EXTL3: variants seen among roughly 807,000 people sequenced by gnomAD.
The protein encoded by EXTL3 is exostosin like glycosyltransferase 3.
In EXTL3, 27 loss-of-function variants were observed where a neutral mutation model predicts 69.3. That is an observed-to-expected ratio of 0.39 (90% CI 0.29 to 0.54). The LOEUF (loss-of-function observed/expected upper bound fraction) is 0.54, where lower values mean the gene tolerates loss of function less well. Ranked by LOEUF, EXTL3 falls within the 20% of genes least tolerant of loss-of-function variation. EXTL3 has a pLI of 0.69. For missense variants in EXTL3, 1,003 were observed against 1,231.8 expected (o/e 0.81, Z 2.78); for synonymous variants, 511 against 499.4 (o/e 1.02, Z -0.31).
chr8:28,658,365 C>G (rs1807048168), intron 1 of EXTL3, among the ~76,000 whole-genome samples: 1 of 152,178 alleles, frequency 6.6e-6, no homozygotes, highest in African/African-American at 2.4e-5. Context: ...TGTTTTCACC[C>G]TCCCTAATCC....
intron 1 of EXTL3, among the ~76,000 whole-genome samples, chr8:28,704,437 T>A (rs1585262978): frequency 6.6e-6 from 1 of 152,354 alleles, no homozygotes; most frequent in African/African-American, 2.4e-5. Flanking sequence ...CGCTTGCGGG[T>A]GCCTGCCTTA....
rs1802013039 is a variant in EXTL3 at position 28,751,818 on chromosome 8, C to G, written c.*952C>G. ...GTGGGCCTCAGGCGTTTCTGAAGTG[C>G]TCTTTCTTGGATTGGACAGGAGATC... On this transcript the variant is annotated 3_prime_UTR_variant, in exon 7 of 7. Coordinates refer to ENST00000220562, the MANE Select transcript of EXTL3 (RefSeq NM_001440.4). 6.6e-6 allele frequency: 1 copy of G among 152,386 alleles called. No individual in the cohort carries two copies. The highest frequency in any genetic ancestry group is 6.5e-5 in the Admixed American group (1 of 15,278). 9.4% of individuals were successfully genotyped at this position (152,386 alleles called of 1,614,324 possible). A position where few individuals can be genotyped will look rare whatever the true frequency, so the allele number is the denominator to read the frequency against.
At chr8:28,756,324 T>TA (rs573140140), downstream of EXTL3, among the ~76,000 whole-genome samples, 33 of 152,366 alleles carry the variant, frequency 2.2e-4, no homozygotes, top group East Asian at 1.4e-3. Flanking sequence ...TTCCATATTC[T>TA]AGAATTTCAT....
At chr8:28,703,591 C>G (rs893403148) in intron 1 of EXTL3, among the ~76,000 whole-genome samples, 2 of 152,118 alleles carry the variant, frequency 1.3e-5, no homozygotes, top group Non-Finnish European at 2.9e-5. Context: ...GATGCGGAGT[C>G]CTTGTCTCAG....
chr8:28,714,776 C>G (rs551014466), intron 2 of EXTL3, among the ~76,000 whole-genome samples: 1 of 152,294 alleles, frequency 6.6e-6, no homozygotes, highest in East Asian at 1.9e-4. Flanking sequence ...GGGACTGAGT[C>G]GCTACAAGCG....
At chr8:28,631,974 G>C (rs1806576631) in intron 1 of EXTL3, among the ~76,000 whole-genome samples, 1 of 152,008 alleles carries the variant, frequency 6.6e-6, no homozygotes, top group African/African-American at 2.4e-5. Flanking sequence ...TGTAGTCCTA[G>C]CTACTTGGGA....
At chr8:28,615,204 G>GA (rs1184582483) in intron 2 of EXTL3, among the ~76,000 whole-genome samples, 1 of 152,162 alleles carries the variant, frequency 6.6e-6, no homozygotes, top group African/African-American at 2.4e-5. Flanking sequence ...GTGTGCTTGA[G>GA]AAGAATTTGT....
chr8:28,617,696 A>C (rs1007501930), intron 2 of EXTL3, among the ~76,000 whole-genome samples: 8 of 152,232 alleles, frequency 5.3e-5, no homozygotes, highest in African/African-American at 1.7e-4. Flanking sequence ...AGGTGGGAGA[A>C]TCACTTAAGC....
At chr8:28,736,767 TG>T (rs1255985387) in intron 4 of EXTL3, among the ~76,000 whole-genome samples, 1 of 152,224 alleles carries the variant, frequency 6.6e-6, no homozygotes, top group Non-Finnish European at 1.5e-5. Context: ...TAATATGTCA[TG>T]CTTATTAAAA....
intron 1 of EXTL3, among the ~76,000 whole-genome samples, chr8:28,703,975 G>C (rs908847470): frequency 6.6e-6 from 1 of 152,238 alleles, no homozygotes; most frequent in Non-Finnish European, 1.5e-5. Context: ...CAGGCAGAGA[G>C]AGTTTGTGAG....
At chr8:28,639,473 G>A (rs1015018762) in intron 1 of EXTL3, among the ~76,000 whole-genome samples, 2 of 152,120 alleles carry the variant, frequency 1.3e-5, no homozygotes, top group Non-Finnish European at 2.9e-5. Context: ...CCATCCCTTC[G>A]ATATACAAAG....
At chr8:28,710,213 ACC>A in intron 1 of EXTL3, 1 of 261,676 alleles carries the variant, frequency 3.8e-6, no homozygotes, top group Non-Finnish European at 7.7e-6. Flanking sequence ...TGTGTTGCTG[ACC>A]ACTGGAAAAA....
rs1800675899 is a variant in EXTL3, at chr8:28,695,715, G to A, written c.-52-17742G>A. 2.6e-5 allele frequency among the ~76,000 whole-genome samples: 4 copies of A among 152,174 alleles called. 1 individual carries two copies. In the South Asian group the frequency reaches 8.3e-4, roughly 32 times the overall value. On this transcript the variant is annotated intron_variant, in intron 1 of 6. Coordinates refer to the EXTL3 transcript ENST00000523149. Reference sequence around the variant, plus strand: ...CAATTCCAGGTAAGAAGTCCAGTAGGCTGGGACCAGAGGGAAGGAGGTCAT... The same window carrying A: ...CAATTCCAGGTAAGAAGTCCAGTAGACTGGGACCAGAGGGAAGGAGGTCAT...
chr8:28,737,487 T>G, intron 4 of EXTL3, 32 bp from the exon 5 acceptor site: 1 of 1,613,748 alleles, frequency 6.2e-7, no homozygotes, highest in Non-Finnish European at 8.5e-7. Context: ...AGCTCTGTAT[T>G]CAGGTCTGTG....
At chr8:28,661,391 A>G (rs1807113305) in intron 1 of EXTL3, among the ~76,000 whole-genome samples, 1 of 152,096 alleles carries the variant, frequency 6.6e-6, no homozygotes, top group South Asian at 2.1e-4. Flanking sequence ...TATGTATTAT[A>G]TAAAGCTTTA....
rs1351054233 is a variant in EXTL3, at chr8:28,753,658, A to T, written c.*2792A>T. The T allele has an allele frequency of 6.6e-6, 1 of 152,640 alleles. No individual in the cohort carries two copies. The highest frequency in any genetic ancestry group is 6.5e-5 in the Admixed American group (1 of 15,286). 9.5% of individuals were successfully genotyped at this position (152,640 alleles called of 1,614,324 possible). A position where few individuals can be genotyped will look rare whatever the true frequency, so the allele number is the denominator to read the frequency against. ...GGTCTTACATTGGATTTTTGTAAAAAAATAAAAATAAATGGAGACTTTAAC... is the reference window on the plus strand; with the variant it reads ...GGTCTTACATTGGATTTTTGTAAAATAATAAAAATAAATGGAGACTTTAAC... On this transcript the variant is annotated 3_prime_UTR_variant, in exon 7 of 7. Transcript: ENST00000220562.
chr8:28,670,034 C>A (rs1211159489), intron 1 of EXTL3, among the ~76,000 whole-genome samples: 1 of 151,984 alleles, frequency 6.6e-6, no homozygotes, highest in Admixed American at 6.6e-5. Context: ...CATGGCAAAA[C>A]CCCGTCTCGA....
At chr8:28,677,594 G>A (rs1348573623) in intron 1 of EXTL3, among the ~76,000 whole-genome samples, 2 of 152,168 alleles carry the variant, frequency 1.3e-5, no homozygotes, top group African/African-American at 2.4e-5. Context: ...CAGCTCCCCT[G>A]GGACATCACT....
intron 4 of EXTL3, among the ~76,000 whole-genome samples, chr8:28,733,376 ATGTG>A (rs535701097): frequency 4.6e-5 from 7 of 151,122 alleles, no homozygotes; most frequent in Non-Finnish European, 1.5e-5. Flanking sequence ...TTATATATAA[ATGTG>A]TGTGTGTGTG....
Sources: gnomAD v4.1 joint callset for allele counts (sites outside exome capture counted in the v4.1 genomes callset) on GRCh38, gnomAD v4.1.1 for gene constraint, MANE v1.5 for transcripts, NCBI Gene and HGNC (gene_info 2026-07-23, HGNC 2026-07-21) for gene names.